Variants in PTP4A3 observed in about 807,000 individuals in gnomAD.
The protein encoded by PTP4A3 is protein tyrosine phosphatase 4A3.
A neutral mutation model predicts 15.2 loss-of-function variants in PTP4A3; 9 were observed. That is an observed-to-expected ratio of 0.59 (90% CI 0.36 to 1.03). The LOEUF (loss-of-function observed/expected upper bound fraction) is 1.03. Ranked by LOEUF, PTP4A3 falls within the 50% of genes least tolerant of loss-of-function variation. The pLI, the probability that PTP4A3 is intolerant of heterozygous loss-of-function variation, is 0.02. For synonymous variants in PTP4A3, 95 were observed against 102.0 expected (o/e 0.93, Z 0.41); for missense variants, 234 against 252.1 (o/e 0.93, Z 0.49).
intron 1 of PTP4A3, among the ~76,000 whole-genome samples, chr8:141,412,811 G>A (rs1832905024): frequency 6.6e-6 from 1 of 152,226 alleles, no homozygotes; most frequent in African/African-American, 2.4e-5. Context: ...CATGTTGTGT[G>A]GGTGACTAAC....
chr8:141,397,008 C>G (rs753054152), intron 1 of PTP4A3, among the ~76,000 whole-genome samples: 3 of 152,160 alleles, frequency 2.0e-5, no homozygotes, highest in Non-Finnish European at 2.9e-5. Flanking sequence ...ACAGCCTCTC[C>G]TCCCTTGCTG....
intron 2 of PTP4A3, among the ~76,000 whole-genome samples, chr8:141,423,623 G>A (rs1833432620): frequency 6.6e-6 from 1 of 151,674 alleles, no homozygotes; most frequent in Admixed American, 6.6e-5. Flanking sequence ...TGTGACCAAG[G>A]TTGGGGCTCA....
chr8:141,425,191 T>TGGGGGGG lies in PTP4A3; in HGVS notation c.198+55_198+56insGGGGGGG. The TGGGGGGG allele has an allele frequency of 3.1e-5, 9 of 287,744 alleles. No homozygotes were observed. The highest frequency in any genetic ancestry group is 1.2e-4 in the South Asian group (5 of 40,012). 17.8% of individuals were successfully genotyped at this position (287,744 alleles called of 1,614,324 possible). A position where few individuals can be genotyped will look rare whatever the true frequency, so the allele number is the denominator to read the frequency against. On this transcript the variant is annotated intron_variant, in intron 3 of 5. Coordinates refer to ENST00000521578, the MANE Select transcript of PTP4A3 (RefSeq NM_032611.3). This position sits in a 1 kb window ranked among gnomAD's most constrained non-coding sequence, Gnocchi z 4.2. ...AGTCACTGCTGCCACCGGGGGAGGG[T>TGGGGGGG]GGGGCGGGGGGCTCCGGGCCTGCGC...
chr8:141,429,667 G>GC (rs1325161025), intron 5 of PTP4A3, among the ~76,000 whole-genome samples: 1 of 126 alleles, frequency 7.9e-3, no homozygotes, highest in Non-Finnish European at 0.017. Context: ...ACACAGTCCA[G>GC]TCCCCGCTGT....
chr8:141,394,676 C>T (rs914449933), intron 1 of PTP4A3, among the ~76,000 whole-genome samples: 3 of 152,234 alleles, frequency 2.0e-5, no homozygotes, highest in African/African-American at 4.8e-5. Flanking sequence ...CTTGGTCACA[C>T]GGGTGAACAT....
chr8:141,403,969 C>T (rs1457402945), intron 1 of PTP4A3, among the ~76,000 whole-genome samples: 1 of 152,284 alleles, frequency 6.6e-6, no homozygotes, highest in Non-Finnish European at 1.5e-5. Context: ...AGTGGCTGAG[C>T]CTGTCTCAGC....
intron 2 of PTP4A3, among the ~76,000 whole-genome samples, chr8:141,422,686 G>A (rs1833392383): frequency 6.6e-6 from 1 of 152,188 alleles, no homozygotes; most frequent in Admixed American, 6.5e-5. Context: ...CGTGGCCTGG[G>A]CTGGGGCCCT....
chr8:141,402,122 G>A (rs761892945), intron 1 of PTP4A3, among the ~76,000 whole-genome samples: 15 of 152,210 alleles, frequency 9.9e-5, no homozygotes, highest in Non-Finnish European at 2.1e-4. Context: ...AGCAGAGGGT[G>A]CAGCCTCTAG....
chr8:141,430,842 A>G lies in PTP4A3; in HGVS notation c.405-85A>G, dbSNP rs1038769202. ...TCAAGGCCTTACTCCAGCCCACTGC[A>G]CTCTCAGATTCCAGCTCCCTGGGGC... On this transcript the variant is annotated intron_variant, in intron 5 of 5. Coordinates refer to ENST00000521578, the MANE Select transcript of PTP4A3 (RefSeq NM_032611.3). 3.8e-6 allele frequency: 5 copies of G among 1,324,482 alleles called. No individual in the cohort carries two copies. In the African/African-American group the frequency reaches 4.3e-5, roughly 12 times the overall value. 82.0% of individuals were successfully genotyped at this position (1,324,482 alleles called of 1,614,324 possible).
intron 5 of PTP4A3, among the ~76,000 whole-genome samples, chr8:141,428,811 CACAG>C (rs1172206716): frequency 3.1e-5 from 3 of 96,292 alleles, no homozygotes; most frequent in Non-Finnish European, 6.4e-5. Flanking sequence ...GGCACACACT[CACAG>C]GCAGGTGTGT....
At chr8:141,415,920 C>A (rs994267173) in intron 1 of PTP4A3, among the ~76,000 whole-genome samples, 1 of 151,798 alleles carries the variant, frequency 6.6e-6, no homozygotes, top group Non-Finnish European at 1.5e-5. Context: ...GGTCTCCCCT[C>A]CTGGCCCCCC....
chr8:141,404,180 G>A lies in PTP4A3; in HGVS notation c.-854+12096G>A, dbSNP rs529207527. On this transcript the variant is annotated intron_variant, in intron 1 of 5. Transcript: ENST00000521578. ...CCTGGGGAGCTCGTGCACATGCCACGCAATGGCCCTGAAAGGGAAGCGATT... is the reference window on the plus strand; with the variant it reads ...CCTGGGGAGCTCGTGCACATGCCACACAATGGCCCTGAAAGGGAAGCGATT... Among the ~76,000 whole-genome samples the A allele has an allele frequency of 5.2e-5, 8 of 152,398 alleles. No individual in the cohort carries two copies. The South Asian group carries it at 1.0e-3, about 20-fold the overall frequency.
chr8:141,413,668 G>A (rs1832930612), intron 1 of PTP4A3, among the ~76,000 whole-genome samples: 1 of 152,256 alleles, frequency 6.6e-6, no homozygotes, highest in Admixed American at 6.5e-5. Context: ...CATGTGAGTG[G>A]GGCACCTGGT....
At position 141,421,985 on chromosome 8, in the gene PTP4A3, T is replaced by G; in HGVS notation, c.-256T>G. ...TGGGTTGGGGGGGGCGGCGGGCTGT[T>G]TTGTTCCTTTTCTTTTTTAAGAGTT... On this transcript the variant is annotated 5_prime_UTR_variant, in exon 2 of 6. Transcript: ENST00000521578. 1 of 463,470 alleles carries G rather than the reference T, an allele frequency of 2.2e-6. No homozygotes were observed. The highest frequency in any genetic ancestry group is 3.8e-5 in the East Asian group (1 of 26,412). The allele number at this position is 463,470 out of a possible 1,614,324, so 28.7% of individuals were successfully genotyped here.
Position 141,425,744 on chromosome 8 carries a change from CTCAGTGCGGAGCACCCCTCAG to C in PTP4A3, c.198+608_198+628del, listed in dbSNP as rs1333253068. Among the ~76,000 whole-genome samples, 2 of 152,234 alleles carry C rather than the reference CTCAGTGCGGAGCACCCCTCAG, an allele frequency of 1.3e-5. No individual in the cohort carries two copies. The highest frequency in any genetic ancestry group is 4.8e-5 in the African/African-American group (2 of 41,460). On this transcript the variant is annotated intron_variant, in intron 3 of 5. Transcript: ENST00000521578. This position sits in a 1 kb window ranked among gnomAD's most constrained non-coding sequence, Gnocchi z 4.2. ...CCAGCTGCGCCTGGGCCTCAGTCTC[CTCAGTGCGGAGCACCCCTCAG>C]TCACTGCTTTTCATCCCAGGACTCT...
chr8:141,412,546 C>T (rs1188347823), intron 1 of PTP4A3, among the ~76,000 whole-genome samples: 2 of 152,186 alleles, frequency 1.3e-5, no homozygotes, highest in Non-Finnish European at 2.9e-5. Flanking sequence ...CCTGGATGGT[C>T]CAGGGGTCCC....
At chr8:141,407,908 G>T (rs1295422505) in intron 1 of PTP4A3, among the ~76,000 whole-genome samples, 1 of 152,134 alleles carries the variant, frequency 6.6e-6, no homozygotes, top group African/African-American at 2.4e-5. Flanking sequence ...GTTTTTTGTT[G>T]TTGTTGTTGT....
intron 2 of PTP4A3, among the ~76,000 whole-genome samples, chr8:141,423,097 G>A (rs972790829): frequency 2.6e-5 from 4 of 152,228 alleles, no homozygotes; most frequent in African/African-American, 7.2e-5. Context: ...TGTGTGCAGG[G>A]TCATTTATGG....
At chr8:141,417,982 C>T (rs1354298590) in intron 1 of PTP4A3, among the ~76,000 whole-genome samples, 1 of 151,930 alleles carries the variant, frequency 6.6e-6, no homozygotes, top group Non-Finnish European at 1.5e-5. Context: ...ACCGCCAGGC[C>T]GGCGCGTATG....
Sources: allele counts gnomAD v4.1 joint callset (sites outside exome capture counted in the v4.1 genomes callset), GRCh38; gene constraint gnomAD v4.1.1; non-coding constraint Gnocchi (gnomAD v3.1); transcripts MANE v1.5; gene names NCBI Gene and HGNC (gene_info 2026-07-23, HGNC 2026-07-21).